The following SPATS2 variants were observed in gnomAD, a reference collection of about 807,000 sequenced individuals.
The protein encoded by SPATS2 is spermatogenesis-associated serine-rich protein 2.
Under a neutral mutation model 63.7 loss-of-function variants are expected in SPATS2, and 38 were observed. That is an observed-to-expected ratio of 0.60 (90% CI 0.46 to 0.78). The LOEUF is 0.78. Ranked by LOEUF, SPATS2 falls within the 30% of genes least tolerant of loss-of-function variation. The pLI is 0.00. For synonymous variants in SPATS2, 207 were observed against 232.9 expected, an observed-to-expected ratio of 0.89 and a Z score of 1.01; for missense variants, 588 against 666.2, an observed-to-expected ratio of 0.88 and a Z score of 1.29.
At chr12:49,380,434 G>A (rs566071604) in intron 2 of SPATS2, among the ~76,000 whole-genome samples, 21 of 152,142 alleles carry the variant, frequency 1.4e-4, no homozygotes, top group African/African-American at 5.1e-4. Context: ...GGCCATGCAC[G>A]GTGACTCACA....
Position 49,467,044 on chromosome 12 carries a change from G to GT in SPATS2, c.25+6033dup, listed in dbSNP as rs59350335. 8.3e-3 allele frequency among the ~76,000 whole-genome samples: 627 copies of GT among 75,764 alleles called. 101 individuals carry two copies. The highest frequency in any genetic ancestry group is 0.014 in the East Asian group (36 of 2,586). 49.7% of individuals were successfully genotyped at this position (75,764 alleles called of 152,430 possible). A position where few individuals can be genotyped will look rare whatever the true frequency, so the allele number is the denominator to read the frequency against. Reference sequence around the variant, plus strand: ...TTTATTGTTAAATAATTTGTTCTTTGTTTTTTTTTTTTTTTTTTTTTTTTT... The same window carrying GT: ...TTTATTGTTAAATAATTTGTTCTTTGTTTTTTTTTTTTTTTTTTTTTTTTTT... On this transcript the variant is annotated intron_variant, in intron 3 of 13. Transcript: ENST00000552918.
At chr12:49,483,976 A>C (rs1946248496) in intron 3 of SPATS2, among the ~76,000 whole-genome samples, 2 of 152,236 alleles carry the variant, frequency 1.3e-5, no homozygotes, top group Non-Finnish European at 2.9e-5. Context: ...AGGGGTAAAG[A>C]AACTGATTAA....
intron 5 of SPATS2, 63 bp from the exon 6 acceptor site, chr12:49,490,618 TG>T: frequency 6.9e-7 from 1 of 1,458,082 alleles, no homozygotes. Context: ...GGGAGGACAC[TG>T]ACTCCTGCTT....
chr12:49,524,968 C>A, intron 13 of SPATS2, 72 bp downstream of exon 13: 1 of 1,443,570 alleles, frequency 6.9e-7, no homozygotes, highest in Non-Finnish European at 9.6e-7. Context: ...ATGCTGTTAG[C>A]TCAGTATATT....
chr12:49,395,669 AC>A (rs1944496666), intron 2 of SPATS2, among the ~76,000 whole-genome samples: 1 of 147,018 alleles, frequency 6.8e-6, no homozygotes, highest in South Asian at 2.2e-4. Flanking sequence ...CAGGTGATCC[AC>A]CCGCCTCAGC....
At chr12:49,401,358 G>C (rs1944602369) in intron 2 of SPATS2, among the ~76,000 whole-genome samples, 1 of 152,138 alleles carries the variant, frequency 6.6e-6, no homozygotes, top group African/African-American at 2.4e-5. Context: ...TGCAGGCATA[G>C]AGTAGATGGA....
chr12:49,496,699 A>C, intron 7 of SPATS2, 134 bp from the exon 8 acceptor site: 1 of 848,536 alleles, frequency 1.2e-6, no homozygotes, highest in Non-Finnish European at 1.8e-6. Context: ...CTATTGTTTC[A>C]GTTGATTTTG....
chr12:49,496,227 ACT>A (rs1383471850), intron 7 of SPATS2, among the ~76,000 whole-genome samples: 1 of 151,660 alleles, frequency 6.6e-6, no homozygotes, highest in Non-Finnish European at 1.5e-5. Flanking sequence ...TCATTTCCTA[ACT>A]CTTCCTAACT....
At chr12:49,396,298 A>G (rs1371997518) in intron 2 of SPATS2, among the ~76,000 whole-genome samples, 1 of 152,212 alleles carries the variant, frequency 6.6e-6, no homozygotes, top group African/African-American at 2.4e-5. Flanking sequence ...TTTCCATAGC[A>G]GCTGCACTGT....
intron 8 of SPATS2, among the ~76,000 whole-genome samples, chr12:49,498,145 A>AAAAAAAATAT (rs66900382): frequency 3.2e-4 from 32 of 98,954 alleles, no homozygotes; most frequent in Non-Finnish European, 3.4e-4. Context: ...AAAAAAAAAA[A>AAAAAAAATAT]ATATATATAT....
chr12:49,376,157 A>G (rs1249600356), intron 2 of SPATS2, among the ~76,000 whole-genome samples: 16 of 135,184 alleles, frequency 1.2e-4, no homozygotes, highest in Non-Finnish European at 2.4e-4. Context: ...GCTGGAGTGC[A>G]GTGGTGCAAT....
At chr12:49,512,658 T>G (rs1051704141) in intron 9 of SPATS2, among the ~76,000 whole-genome samples, 19 of 152,334 alleles carry the variant, frequency 1.2e-4, no homozygotes, top group African/African-American at 4.6e-4. Flanking sequence ...CTACTTCTCA[T>G]AATAGATTGT....
chr12:49,397,833 T>TA (rs989085737), intron 2 of SPATS2, among the ~76,000 whole-genome samples: 8,126 of 82,228 alleles, frequency 0.099, 556 homozygotes, highest in Non-Finnish European at 0.12. Context: ...CTTAGCTCTT[T>TA]AAAAAAAAAA....
chr12:49,497,504 C>T (rs1946484051), intron 8 of SPATS2, among the ~76,000 whole-genome samples: 2 of 151,856 alleles, frequency 1.3e-5, no homozygotes, highest in Admixed American at 1.3e-4. Flanking sequence ...ATGCCATTCT[C>T]CTGCCTCAGC....
rs1174948344 is a variant in SPATS2, at chr12:49,460,850, T to G, written c.-163T>G. ...TTGATACAAGAAAAGGAAAGGAGAT[T>G]AACAGCTAGTGAGCAGAATTTCGAA... On this transcript the variant is annotated 5_prime_UTR_variant, in exon 3 of 14. In the 5' UTR this introduces an upstream ATG that the reference lacks. Coordinates refer to ENST00000552918, the MANE Select transcript of SPATS2 (RefSeq NM_023071.4). The G allele has an allele frequency of 3.0e-6, 2 of 670,956 alleles. No individual in the cohort carries two copies. The highest frequency in any genetic ancestry group is 5.7e-5 in the Admixed American group (2 of 35,178). The allele number at this position is 670,956 out of a possible 1,614,324, so 41.6% of individuals were successfully genotyped here.
intron 1 of SPATS2, among the ~76,000 whole-genome samples, chr12:49,370,686 A>G (rs1335887579): frequency 2.6e-5 from 4 of 152,094 alleles, no homozygotes; most frequent in Admixed American, 6.6e-5. Flanking sequence ...GGATCTCGCT[A>G]TGTTGCCCAG....
intron 2 of SPATS2, among the ~76,000 whole-genome samples, chr12:49,443,621 A>G (rs1945462170): frequency 6.6e-6 from 1 of 151,616 alleles, no homozygotes; most frequent in Non-Finnish European, 1.5e-5. Flanking sequence ...TTACAGTTTT[A>G]GCCATTTGGG....
chr12:49,404,593 T>G (rs1944662884), intron 2 of SPATS2, among the ~76,000 whole-genome samples: 1 of 152,164 alleles, frequency 6.6e-6, no homozygotes, highest in African/African-American at 2.4e-5. Context: ...GTAGTCATAT[T>G]TAAATAGAGA....
chr12:49,429,602 C>T (rs958100260), intron 2 of SPATS2, among the ~76,000 whole-genome samples: 16 of 151,806 alleles, frequency 1.1e-4, no homozygotes, highest in African/African-American at 1.2e-4. Context: ...TGTGCCACCA[C>T]GTACCCAGCT....
Sources: gnomAD v4.1 joint callset for allele counts (sites outside exome capture counted in the v4.1 genomes callset) on GRCh38, gnomAD v4.1.1 for gene constraint, MANE v1.5 for transcripts, NCBI Gene and HGNC (gene_info 2026-07-23, HGNC 2026-07-21) for gene names.